The following IL1RAPL2 variants were observed in gnomAD, a reference collection of about 807,000 sequenced individuals.
IL1RAPL2 encodes the protein X-linked interleukin-1 receptor accessory protein-like 2.
In IL1RAPL2, 3 loss-of-function variants were observed where a neutral mutation model predicts 44.1. The observed-to-expected ratio is 0.07, with a 90% CI of 0.03 to 0.18. IL1RAPL2 has a LOEUF of 0.18. IL1RAPL2 is among the 10% of genes least tolerant of loss of function. IL1RAPL2 has a pLI of 1.00. For synonymous variants in IL1RAPL2, 181 were observed against 178.8 expected (o/e 1.01, Z -0.10); for missense variants, 391 against 496.4 (o/e 0.79, Z 2.02).
chrX:105,442,555 C>T (rs2035928267), intron 5 of IL1RAPL2, among the ~76,000 whole-genome samples: 4 of 111,928 alleles, frequency 3.6e-5, no homozygotes, highest in African/African-American at 1.3e-4. Context: ...AGTCCCTAGC[C>T]TGTAAAGGCC....
At chrX:104,799,966 T>A (rs1468990047) in intron 2 of IL1RAPL2, among the ~76,000 whole-genome samples, 1 of 111,717 alleles carries the variant, frequency 9.0e-6, no homozygotes, top group Non-Finnish European at 1.9e-5. Flanking sequence ...TTGATCGTAT[T>A]CTTGAACCTA....
chrX:105,273,374 C>T (rs1052229641), intron 5 of IL1RAPL2, among the ~76,000 whole-genome samples: 4 of 111,502 alleles, frequency 3.6e-5, no homozygotes, highest in African/African-American at 1.3e-4. Flanking sequence ...TGGAATCCCT[C>T]TTCCCCAAAG....
At chrX:105,582,147 C>G (rs2147814717) in intron 6 of IL1RAPL2, among the ~76,000 whole-genome samples, 1 of 111,728 alleles carries the variant, frequency 9.0e-6, no homozygotes, top group South Asian at 3.7e-4. Context: ...TAGATAAGTT[C>G]TGATAATGGT....
intron 5 of IL1RAPL2, among the ~76,000 whole-genome samples, chrX:105,465,193 T>C (rs1402920153): frequency 8.9e-6 from 1 of 112,274 alleles, no homozygotes; most frequent in Non-Finnish European, 1.9e-5. Context: ...AACTAATCCA[T>C]AGTCTAATTC....
chrX:105,533,977 G>A (rs975272421), intron 6 of IL1RAPL2, among the ~76,000 whole-genome samples: 1 of 112,140 alleles, frequency 8.9e-6, no homozygotes, highest in Non-Finnish European at 1.9e-5. Flanking sequence ...TATGTATAGA[G>A]ATATAGATTA....
At chrX:104,715,360 A>T (rs1383610519) in intron 2 of IL1RAPL2, among the ~76,000 whole-genome samples, 1 of 85,819 alleles carries the variant, frequency 1.2e-5, no homozygotes, top group Non-Finnish European at 2.3e-5. Context: ...GTTTTTTTGA[A>T]TCTTCTCTTT....
intron 6 of IL1RAPL2, among the ~76,000 whole-genome samples, chrX:105,506,866 T>C (rs1489988827): frequency 5.4e-5 from 6 of 111,853 alleles, no homozygotes; most frequent in Admixed American, 3.8e-4. Flanking sequence ...CTATTTAAGA[T>C]CATACATCTG....
At chrX:105,033,926 T>C (rs1232481797) in intron 2 of IL1RAPL2, among the ~76,000 whole-genome samples, 1 of 111,647 alleles carries the variant, frequency 9.0e-6, no homozygotes, top group East Asian at 2.8e-4. Flanking sequence ...TTCATTTCTT[T>C]TTATTCTTTT....
chrX:104,884,092 G>T (rs755921964), intron 2 of IL1RAPL2, among the ~76,000 whole-genome samples: 26 of 110,274 alleles, frequency 2.4e-4, no homozygotes, highest in Non-Finnish European at 4.3e-4. Context: ...AGTCCTCTTT[G>T]TGGTCTAGGA....
rs141105504 is a variant in IL1RAPL2 at position 105,656,958 on chromosome X, G to A, written c.773-60409G>A. Among the ~76,000 whole-genome samples the A allele has an allele frequency of 4.2e-3, 423 of 100,743 alleles. 4 individuals are homozygous for A. Among genetic ancestry groups the A allele is most frequent in the African/African-American group, 0.016 (394 of 25,341 alleles). 87.5% of individuals were successfully genotyped at this position (100,743 alleles called of 115,157 possible). Reference sequence around the variant, plus strand: ...CATATAACTTTCCATTAATATCTTTGACCATGACAAACTATTTTAGATTTC... The same window carrying A: ...CATATAACTTTCCATTAATATCTTTAACCATGACAAACTATTTTAGATTTC... On this transcript the variant is annotated intron_variant, in intron 6 of 10. Transcript: ENST00000372582.
At chrX:104,675,002 A>T (rs1363326145) in intron 2 of IL1RAPL2, among the ~76,000 whole-genome samples, 2 of 110,696 alleles carry the variant, frequency 1.8e-5, no homozygotes, top group Non-Finnish European at 3.8e-5. Context: ...CTTCTTTATT[A>T]GTCTTGCTAG....
chrX:105,306,242 C>A lies in IL1RAPL2; in HGVS notation c.697+38701C>A, dbSNP rs1247017599. On this transcript the variant is annotated intron_variant, in intron 5 of 10. Transcript: ENST00000372582. ...TATACTACATAATGTGTATTTTTTT[C>A]AGAAAAATCTTAAAGTTGGAGATAT... 2.7e-5 allele frequency among the ~76,000 whole-genome samples: 3 copies of A among 110,872 alleles called. No individual in the cohort carries two copies. The Admixed American group carries it at 2.9e-4, about 11-fold the overall frequency.
At chrX:104,702,547 T>A (rs2147552995) in intron 2 of IL1RAPL2, among the ~76,000 whole-genome samples, 1 of 112,465 alleles carries the variant, frequency 8.9e-6, no homozygotes, top group African/African-American at 3.2e-5. Context: ...TGTCCAACAG[T>A]ATTTTGTAAA....
At chrX:105,135,928 T>A (rs1265670140) in intron 2 of IL1RAPL2, among the ~76,000 whole-genome samples, 1 of 111,583 alleles carries the variant, frequency 9.0e-6, no homozygotes, top group Non-Finnish European at 1.9e-5. Flanking sequence ...AGCTGTAGAT[T>A]TGGGACTAAC....
intron 6 of IL1RAPL2, among the ~76,000 whole-genome samples, chrX:105,559,962 A>G (rs1196221548): frequency 9.0e-6 from 1 of 111,659 alleles, no homozygotes; most frequent in Non-Finnish European, 1.9e-5. Context: ...TTTGCTCTCC[A>G]TAGGGCTTAG....
intron 2 of IL1RAPL2, among the ~76,000 whole-genome samples, chrX:104,941,475 G>T (rs1450207884): frequency 1.8e-5 from 2 of 111,957 alleles, no homozygotes; most frequent in African/African-American, 6.5e-5. Flanking sequence ...ATTTTTTCAT[G>T]TGTCTGTTGG....
intron 5 of IL1RAPL2, among the ~76,000 whole-genome samples, chrX:105,447,471 A>T (rs1339824379): frequency 1.3e-5 from 1 of 75,160 alleles, no homozygotes; most frequent in Non-Finnish European, 2.2e-5. Flanking sequence ...AAATATAAAT[A>T]TAAATAAATA....
chrX:105,289,103 G>A (rs951298580), intron 5 of IL1RAPL2, among the ~76,000 whole-genome samples: 3 of 110,251 alleles, frequency 2.7e-5, no homozygotes, highest in East Asian at 2.9e-4. Flanking sequence ...TTTAACTTTC[G>A]TAAGTCAGTG....
chrX:104,921,241 A>T, intron 2 of IL1RAPL2, among the ~76,000 whole-genome samples: 1 of 47,184 alleles, frequency 2.1e-5, no homozygotes, highest in African/African-American at 8.1e-5. Flanking sequence ...GAGCTCCCCC[A>T]CCCCCACCCC....
Sources: allele counts gnomAD v4.1 joint callset (sites outside exome capture counted in the v4.1 genomes callset), GRCh38; gene constraint gnomAD v4.1.1; transcripts MANE v1.5; gene names NCBI Gene and HGNC (gene_info 2026-07-23, HGNC 2026-07-21).